KIF19: variants seen among roughly 807,000 people sequenced by gnomAD.
KIF19 encodes the protein kinesin-like protein KIF19.
Under a neutral mutation model 106.6 loss-of-function variants are expected in KIF19, and 98 were observed. The observed-to-expected ratio is 0.92, with a 90% CI of 0.78 to 1.09. The LOEUF is 1.09. Among genes scored for constraint, KIF19 ranks in the 50% least tolerant of loss-of-function variants. KIF19 has a pLI of 0.00. For synonymous variants in KIF19, 516 were observed against 584.2 expected (o/e 0.88, Z 1.68); for missense variants, 1,373 against 1,414.3 (o/e 0.97, Z 0.47).
intron 8 of KIF19, among the ~76,000 whole-genome samples, chr17:74,347,536 CAAAAA>C (rs570278328): frequency 9.1e-6 from 1 of 109,874 alleles, no homozygotes. Flanking sequence ...GACCCTGTCT[CAAAAA>C]AAAAAAAAAA....
At chr17:74,344,734 G>C (rs1463140655) in intron 6 of KIF19, 27 bp from the exon 7 acceptor site, 1 of 1,590,990 alleles carries the variant, frequency 6.3e-7, no homozygotes, top group Admixed American at 1.7e-5. Flanking sequence ...CAGTCGCTAA[G>C]AGCTGCCTCT....
intron 15 of KIF19, 70 bp downstream of exon 15, chr17:74,353,024 G>T: frequency 1.3e-6 from 2 of 1,575,060 alleles, no homozygotes; most frequent in Non-Finnish European, 8.7e-7. Flanking sequence ...CCAGACTAAG[G>T]CTAAATGGGG....
At position 74,331,725 on chromosome 17, in the gene KIF19, C is replaced by G. The variant is rs368872742; in HGVS notation, c.120+3220C>G. ...CCATGTAGCTGGGATTACGGGCGCG[C>G]GCCACCGTGCCCAGCTAATTTTTGT... On this transcript the variant is annotated intron_variant, in intron 2 of 19. Transcript: ENST00000389916. The surrounding 1 kb of genome is among the most constrained non-coding windows in gnomAD (Gnocchi z 4.1). Among the ~76,000 whole-genome samples, 1 of 151,814 alleles carries G rather than the reference C, an allele frequency of 6.6e-6. No individual in the cohort carries two copies. Among genetic ancestry groups the G allele is most frequent in the African/African-American group, 2.4e-5 (1 of 41,304 alleles).
chr17:74,326,777 A>C (rs1598361872), intron 1 of KIF19, among the ~76,000 whole-genome samples: 1 of 152,196 alleles, frequency 6.6e-6, no homozygotes, highest in Admixed American at 6.5e-5. Context: ...AGGCTGCTCC[A>C]GCCCTGGTGA....
At chr17:74,353,065 G>T in intron 15 of KIF19, 111 bp downstream of exon 15, 2 of 1,455,652 alleles carry the variant, frequency 1.4e-6, no homozygotes, top group African/African-American at 2.8e-5. Context: ...GGGAGCAGGT[G>T]GCCCAGGTCT....
At chr17:74,326,725 A>T (rs956607596) in intron 1 of KIF19, among the ~76,000 whole-genome samples, 2 of 152,064 alleles carry the variant, frequency 1.3e-5, no homozygotes, top group African/African-American at 4.8e-5. Flanking sequence ...GGCTTGACCT[A>T]ACTGCCCCCA....
chr17:74,330,306 A>G (rs1457525153), intron 2 of KIF19, among the ~76,000 whole-genome samples: 2 of 152,236 alleles, frequency 1.3e-5, no homozygotes, highest in Non-Finnish European at 2.9e-5. Context: ...AAGTGGAGAC[A>G]GACATCATGA....
At chr17:74,342,579 G>T in intron 3 of KIF19, 51 bp from the exon 4 acceptor site, 1 of 1,437,116 alleles carries the variant, frequency 7.0e-7, no homozygotes, top group Non-Finnish European at 9.8e-7. Flanking sequence ...GTGGGTGCCT[G>T]TGCTGTGCCC....
chr17:74,332,033 C>T (rs61239192), intron 2 of KIF19, among the ~76,000 whole-genome samples: 16,746 of 152,090 alleles, frequency 0.11, 1,429 homozygotes, highest in East Asian at 0.35. Flanking sequence ...TGTGTCTTCA[C>T]AGGGGTTAAT....
rs781675936 is a variant in KIF19, at chr17:74,346,630, C to G, written c.924+106C>G. On this transcript the variant is annotated intron_variant, in intron 8 of 19. Coordinates refer to ENST00000389916, the MANE Select transcript of KIF19 (RefSeq NM_153209.4). This position sits in a 1 kb window ranked among gnomAD's most constrained non-coding sequence, Gnocchi z 4.6. ...AGCTAAATTCCAACCTCAGGATACA[C>G]AGCAAAATTTATTTTAGCGTAAATA... is the stretch of plus-strand genomic sequence containing the variant. The G allele has an allele frequency of 1.9e-6, 2 of 1,047,316 alleles. No individual in the cohort carries two copies. The highest frequency in any genetic ancestry group is 3.2e-5 in the African/African-American group (2 of 62,218). 64.9% of individuals were successfully genotyped at this position (1,047,316 alleles called of 1,614,324 possible).
rs2054079214 is a variant in KIF19 at position 74,331,473 on chromosome 17, G to A, written c.120+2968G>A. 6.6e-6 allele frequency among the ~76,000 whole-genome samples: 1 copy of A among 152,150 alleles called. No homozygotes were observed. Among genetic ancestry groups the A allele is most frequent in the African/African-American group, 2.4e-5 (1 of 41,424 alleles). The stretch of plus-strand genomic sequence containing the variant: ...GGGGACACTTCAAATGAAGGAGATT[G>A]TGGCAACGAGGCTTGGCAGAAGGGG... On this transcript the variant is annotated intron_variant, in intron 2 of 19. Coordinates refer to ENST00000389916, the MANE Select transcript of KIF19 (RefSeq NM_153209.4). The surrounding 1 kb of genome is among the most constrained non-coding windows in gnomAD (Gnocchi z 4.1).
Position 74,331,976 on chromosome 17 carries a change from G to A in KIF19, c.120+3471G>A, listed in dbSNP as rs934134831. Among the ~76,000 whole-genome samples, 2 of 152,152 alleles carry A rather than the reference G, an allele frequency of 1.3e-5. No homozygotes were observed. The highest frequency in any genetic ancestry group is 4.8e-5 in the African/African-American group (2 of 41,424). The stretch of plus-strand genomic sequence containing the variant: ...AGTAGTCACAATGCCTTCTTTAGAG[G>A]GTCCCTGTGGCTAACGGAGGCACAG... On this transcript the variant is annotated intron_variant, in intron 2 of 19. Transcript: ENST00000389916. This position sits in a 1 kb window ranked among gnomAD's most constrained non-coding sequence, Gnocchi z 4.1.
chr17:74,334,005 A>T (rs2054162066), intron 2 of KIF19, among the ~76,000 whole-genome samples: 1 of 150,724 alleles, frequency 6.6e-6, no homozygotes, highest in African/African-American at 2.4e-5. Flanking sequence ...TTTAATTTTT[A>T]GTAGAGGTGT....
At chr17:74,353,650 A>G in intron 17 of KIF19, 69 bp downstream of exon 17, 2 of 1,319,700 alleles carry the variant, frequency 1.5e-6, no homozygotes, top group Non-Finnish European at 2.2e-6. Context: ...CACCCAGCTC[A>G]AAGCCCTTTC....
In KIF19 at chr17:74,328,453, T is replaced by C. The variant is rs1215902939; in HGVS notation, c.68T>C (p.Val23Ala). The C allele has an allele frequency of 6.2e-7, 1 of 1,611,224 alleles. No homozygotes were observed. The highest frequency in any genetic ancestry group is 1.1e-5 in the South Asian group (1 of 90,066). ...MVALRVRPIS[V>A]AELEEGATLI... is the part of the protein sequence containing the mutation. ...GCGCTTCGGGTCCGGCCCATCAGCG[T>C]GGCAGAGCTGGAGGAAGGAGCTACC... The change falls in exon 2 of 20, where the codon GTG becomes GCG. Residue 23 changes from valine (V) to alanine (A), a missense_variant. Transcript: ENST00000389916.
intron 3 of KIF19, among the ~76,000 whole-genome samples, chr17:74,342,349 G>A (rs1249979015): frequency 6.6e-6 from 1 of 152,180 alleles, no homozygotes. Context: ...GCCCATCTGT[G>A]GGATGCTCCC....
At chr17:74,354,654 C>A in intron 18 of KIF19, 95 bp downstream of exon 18, 1 of 1,529,120 alleles carries the variant, frequency 6.5e-7, no homozygotes, top group Non-Finnish European at 8.8e-7. Flanking sequence ...GCACCTCTAG[C>A]CTACCCCATA....
In KIF19 at chr17:74,342,801, G is replaced by A. The variant is rs2054417685; in HGVS notation, c.319+84G>A. On this transcript the variant is annotated intron_variant, in intron 4 of 19. Transcript: ENST00000389916. ...CCTCCAACTAGTCTGACCCCAGCTG[G>A]AGCAGGAATCCAGGATGTGGTCGCT... The A allele has an allele frequency of 2.9e-6, 4 of 1,386,136 alleles. No individual in the cohort carries two copies. The South Asian group carries it at 4.7e-5, about 16-fold the overall frequency. The allele number at this position is 1,386,136 out of a possible 1,614,324, so 85.9% of individuals were successfully genotyped here.
At chr17:74,340,414 A>T (rs2054333965) in intron 2 of KIF19, among the ~76,000 whole-genome samples, 2 of 152,154 alleles carry the variant, frequency 1.3e-5, no homozygotes, top group South Asian at 4.1e-4. Context: ...CCAAGTGCAC[A>T]GGGGCAGAGG....
Sources: allele counts gnomAD v4.1 joint callset (sites outside exome capture counted in the v4.1 genomes callset), GRCh38; gene constraint gnomAD v4.1.1; non-coding constraint Gnocchi (gnomAD v3.1); transcripts MANE v1.5; gene names NCBI Gene and HGNC (gene_info 2026-07-23, HGNC 2026-07-21).